FMNL2: variants seen among roughly 807,000 people sequenced by gnomAD.
FMNL2 encodes formin like 2.
In FMNL2, 51 loss-of-function variants were observed where a neutral mutation model predicts 130.2. The observed-to-expected ratio is 0.39, with a 90% CI of 0.31 to 0.49. The LOEUF is 0.49. Ranked by LOEUF, FMNL2 falls within the 20% of genes least tolerant of loss-of-function variation. FMNL2 has a pLI of 0.85. For synonymous variants in FMNL2, 465 were observed against 467.1 expected, an observed-to-expected ratio of 1.00 and a Z score of 0.06; for missense variants, 977 against 1,316.2, an observed-to-expected ratio of 0.74 and a Z score of 3.99.
intron 1 of FMNL2, among the ~76,000 whole-genome samples, chr2:152,378,686 G>C (rs757018186): frequency 1.3e-5 from 2 of 152,160 alleles, no homozygotes; most frequent in Non-Finnish European, 2.9e-5. Flanking sequence ...TTTGGCTTAG[G>C]AGGGGCTCAT....
chr2:152,481,723 C>T (rs755494955), intron 1 of FMNL2, among the ~76,000 whole-genome samples: 15 of 152,172 alleles, frequency 9.9e-5, no homozygotes, highest in Non-Finnish European at 1.9e-4. Context: ...GATAGGTCCT[C>T]TCCAGTGTTC....
chr2:152,536,019 C>T (rs1693978758), intron 2 of FMNL2, among the ~76,000 whole-genome samples: 2 of 152,162 alleles, frequency 1.3e-5, no homozygotes, highest in Admixed American at 6.5e-5. Context: ...TTTGGGAATC[C>T]AGGTCTATTT....
intron 6 of FMNL2, among the ~76,000 whole-genome samples, chr2:152,574,185 C>T (rs994328775): frequency 6.6e-6 from 1 of 152,044 alleles, no homozygotes; most frequent in Admixed American, 6.5e-5. Flanking sequence ...CGCCTGTAAC[C>T]CCAGCACTTC....
intron 1 of FMNL2, among the ~76,000 whole-genome samples, chr2:152,428,561 A>T (rs2106077130): frequency 6.6e-6 from 1 of 152,264 alleles, no homozygotes; most frequent in African/African-American, 2.4e-5. Flanking sequence ...CTTTTGCTGC[A>T]TCAAATATAT....
At chr2:152,640,721 C>T in intron 24 of FMNL2, 70 bp from the exon 25 acceptor site, 4 of 1,554,836 alleles carry the variant, frequency 2.6e-6, no homozygotes, top group Non-Finnish European at 3.5e-6. Flanking sequence ...AATGCTCAGG[C>T]ACATTTTGGA....
At position 152,335,572 on chromosome 2, in the gene FMNL2, G is replaced by A. The variant is rs1326008522; in HGVS notation, c.-32G>A. ...TTTCCGACGCGCACGCTAGGGGCCC[G>A]GAGCAGCCCCCGGCCCCGGCGCGCC... On this transcript the variant is annotated 5_prime_UTR_variant, in exon 1 of 26. Coordinates refer to ENST00000288670, the MANE Select transcript of FMNL2 (RefSeq NM_052905.4). 1.9e-6 allele frequency: 3 copies of A among 1,553,838 alleles called. No homozygotes were observed. The highest frequency in any genetic ancestry group is 2.6e-6 in the Non-Finnish European group (3 of 1,145,902).
At chr2:152,642,780 G>A (rs950919811) in intron 25 of FMNL2, among the ~76,000 whole-genome samples, 8 of 152,214 alleles carry the variant, frequency 5.3e-5, no homozygotes, top group Non-Finnish European at 1.2e-4. Flanking sequence ...GGGTGAGGCA[G>A]GTGGATCACT....
intron 1 of FMNL2, among the ~76,000 whole-genome samples, chr2:152,351,213 A>G (rs1276650387): frequency 6.6e-6 from 1 of 152,208 alleles, no homozygotes; most frequent in Non-Finnish European, 1.5e-5. Context: ...ATTTTACTTT[A>G]AGTTCTGAGA....
chr2:152,336,645 G>A (rs573965163), intron 1 of FMNL2, among the ~76,000 whole-genome samples: 1 of 152,116 alleles, frequency 6.6e-6, no homozygotes, highest in Non-Finnish European at 1.5e-5. Flanking sequence ...AGGGTGTGGC[G>A]GCTTGCCCCA....
At chr2:152,443,138 G>A (rs931411150) in intron 1 of FMNL2, among the ~76,000 whole-genome samples, 3 of 152,220 alleles carry the variant, frequency 2.0e-5, no homozygotes, top group Non-Finnish European at 2.9e-5. Context: ...GACGAGAAAC[G>A]AAGGAGGTGA....
intron 8 of FMNL2, among the ~76,000 whole-genome samples, chr2:152,580,233 C>T (rs942582079): frequency 6.6e-6 from 1 of 152,176 alleles, no homozygotes; most frequent in East Asian, 1.9e-4. Flanking sequence ...AAATGAAATA[C>T]TTAAGTGGTC....
At chr2:152,500,139 C>T (rs1200779440) in intron 1 of FMNL2, among the ~76,000 whole-genome samples, 1 of 152,034 alleles carries the variant, frequency 6.6e-6, no homozygotes, top group African/African-American at 2.4e-5. Context: ...GTGGGGGAAT[C>T]TGTGAAGAGA....
rs1460364239 is a variant in FMNL2 at position 152,564,790 on chromosome 2, TTTTTTTTTA to T, written c.596+3756_596+3764del. 5.6e-3 allele frequency among the ~76,000 whole-genome samples: 825 copies of T among 148,520 alleles called. 6 individuals carry two copies. The highest frequency in any genetic ancestry group is 0.016 in the African/African-American group (652 of 39,836). On this transcript the variant is annotated intron_variant, in intron 6 of 25. Transcript: ENST00000288670. ...ATACAAGGTTGGTTTTTTTTTTTTT[TTTTTTTTTA>T]ACCAAATTCTAATGTTGACACACAT...
chr2:152,350,898 G>A (rs1006059269), intron 1 of FMNL2, among the ~76,000 whole-genome samples: 19 of 151,922 alleles, frequency 1.3e-4, no homozygotes, highest in African/African-American at 4.4e-4. Flanking sequence ...TACAAAAATC[G>A]GCCGGGTATG....
chr2:152,525,384 C>G (rs1212806428), intron 2 of FMNL2, among the ~76,000 whole-genome samples: 1 of 151,014 alleles, frequency 6.6e-6, no homozygotes, highest in Admixed American at 6.6e-5. Flanking sequence ...GTAGATTCCA[C>G]CAACATATAA....
At chr2:152,637,703 T>C (rs1682742556) in intron 23 of FMNL2, 29 bp downstream of exon 23, 1 of 1,597,530 alleles carries the variant, frequency 6.3e-7, no homozygotes, top group Non-Finnish European at 8.6e-7. Context: ...CTTGCCCTTA[T>C]TTCTCAAGCA....
At chr2:152,541,901 T>C (rs1694328864) in intron 2 of FMNL2, among the ~76,000 whole-genome samples, 1 of 152,068 alleles carries the variant, frequency 6.6e-6, no homozygotes, top group South Asian at 2.1e-4. Flanking sequence ...TTTGTGGACA[T>C]GTGGCTTCTA....
At chr2:152,417,977 G>A (rs940824335) in intron 1 of FMNL2, among the ~76,000 whole-genome samples, 1 of 151,946 alleles carries the variant, frequency 6.6e-6, no homozygotes, top group African/African-American at 2.4e-5. Flanking sequence ...TCCCGAGTAG[G>A]TGGGACTACA....
chr2:152,624,622 T>C (rs1213933729), intron 15 of FMNL2, among the ~76,000 whole-genome samples: 1 of 152,166 alleles, frequency 6.6e-6, no homozygotes, highest in Non-Finnish European at 1.5e-5. Flanking sequence ...GAAGCTCGCT[T>C]GAGTTCAGGA....
Sources: gnomAD v4.1 joint callset for allele counts (sites outside exome capture counted in the v4.1 genomes callset) on GRCh38, gnomAD v4.1.1 for gene constraint, MANE v1.5 for transcripts, NCBI Gene and HGNC (gene_info 2026-07-23, HGNC 2026-07-21) for gene names.